The following EP400 variants were observed in gnomAD, a reference collection of about 807,000 sequenced individuals.
EP400 encodes the protein E1A-binding protein p400.
In EP400, 105 loss-of-function variants were observed where a neutral mutation model predicts 354.1. That is an observed-to-expected ratio of 0.30 (90% CI 0.25 to 0.35). The LOEUF is 0.35. Among genes scored for constraint, EP400 ranks in the 10% least tolerant of loss-of-function variants. EP400 has a pLI of 1.00. For synonymous variants in EP400, 1,646 were observed against 1,716.9 expected (o/e 0.96, Z 1.02); for missense variants, 3,280 against 4,121.0 (o/e 0.80, Z 5.59).
At chr12:131,953,738 T>A (rs1278681789) in intron 1 of EP400, among the ~76,000 whole-genome samples, 1 of 152,244 alleles carries the variant, frequency 6.6e-6, no homozygotes, top group Non-Finnish European at 1.5e-5. Flanking sequence ...TTACGTGACA[T>A]CTAGTGTTAT....
intron 45 of EP400, 105 bp downstream of exon 45, chr12:132,055,313 A>T (rs2136594670): frequency 1.0e-6 from 1 of 955,708 alleles, no homozygotes; most frequent in African/African-American, 1.7e-5. Context: ...CATTGGTGAA[A>T]AACTGTCTAG....
chr12:132,045,539 T>C lies in EP400; in HGVS notation c.7005T>C (p.Ser2335=). 1 of 1,614,194 alleles carries C rather than the reference T, an allele frequency of 6.2e-7. No homozygotes were observed. The highest frequency in any genetic ancestry group is 8.5e-7 in the Non-Finnish European group (1 of 1,180,040). The change falls in exon 38 of 53, where the codon AGT becomes AGC. Residue 2335 remains serine, a synonymous_variant. Transcript: ENST00000389561. The part of the protein sequence containing the change: ...PGQDNPEWLI[S]EDWALLQAVK... ...AAGACAACCCCGAGTGGCTCATCAGTGAGGACTGGGCGCTGCTGCAGGTAG... is the reference window on the plus strand; with the variant it reads ...AAGACAACCCCGAGTGGCTCATCAGCGAGGACTGGGCGCTGCTGCAGGTAG...
At position 132,025,457 on chromosome 12, in the gene EP400, T is replaced by C. The variant is rs1485195914; in HGVS notation, c.4856-189T>C. Among the ~76,000 whole-genome samples the C allele has an allele frequency of 6.6e-6, 1 of 152,198 alleles. No individual in the cohort carries two copies. The highest frequency in any genetic ancestry group is 1.5e-5 in the Non-Finnish European group (1 of 68,034). ...TGGAGCAAGATACCTTGTCTCTTAG[T>C]GTGTCGTCATCCACTGTCGGTGATG... On this transcript the variant is annotated intron_variant, in intron 24 of 52. Transcript: ENST00000389561. This position sits in a 1 kb window ranked among gnomAD's most constrained non-coding sequence, Gnocchi z 4.1.
At chr12:132,065,499 C>G (rs903260075) in intron 48 of EP400, 14 of 153,786 alleles carry the variant, frequency 9.1e-5, no homozygotes, top group African/African-American at 3.4e-4. Context: ...TCTCTTGTGT[C>G]TTTCACCTGG....
intron 48 of EP400, chr12:132,065,604 C>A (rs571647742): frequency 2.0e-5 from 3 of 152,298 alleles, no homozygotes; most frequent in African/African-American, 7.2e-5. Context: ...GCTAAGTTCC[C>A]ACCCAAATCC....
chr12:132,061,693 G>T (rs538946703), intron 45 of EP400, among the ~76,000 whole-genome samples: 1 of 152,356 alleles, frequency 6.6e-6, no homozygotes, highest in East Asian at 1.9e-4. Context: ...CACATGGTGA[G>T]ACACTCAGGG....
rs537916420 is a variant in EP400 at position 132,032,195 on chromosome 12, C to T, written c.5951+46C>T. ...GGATCAGGAGATGCAAAGACATCCACATATACAGGTGAGGGCCTGCGGGGA... is the reference window on the plus strand; with the variant it reads ...GGATCAGGAGATGCAAAGACATCCATATATACAGGTGAGGGCCTGCGGGGA... On this transcript the variant is annotated intron_variant, in intron 30 of 52. Coordinates refer to ENST00000389561, the MANE Select transcript of EP400 (RefSeq NM_015409.5). 43 of 1,574,158 alleles carry T rather than the reference C, an allele frequency of 2.7e-5. 1 individual carries two copies. In the South Asian group the frequency reaches 3.6e-4, roughly 13 times the overall value.
chr12:131,967,739 G>A (rs147374308), intron 2 of EP400, among the ~76,000 whole-genome samples: 1 of 151,792 alleles, frequency 6.6e-6, no homozygotes, highest in Non-Finnish European at 1.5e-5. Flanking sequence ...CTTTCTCAAA[G>A]TGCCTGTACC....
Position 131,990,805 on chromosome 12 carries a change from C to T in EP400, c.2629+91C>T. On this transcript the variant is annotated intron_variant, in intron 9 of 52. Transcript: ENST00000389561. This position sits in a 1 kb window ranked among gnomAD's most constrained non-coding sequence, Gnocchi z 4.2. ...AGGCAGTCTCCTGGCGCTGTGGCTT[C>T]CCACAGAGGACATCTGCTCATCAGC... is the stretch of plus-strand genomic sequence containing the variant. 1 of 897,788 alleles carries T rather than the reference C, an allele frequency of 1.1e-6. No individual in the cohort carries two copies. The highest frequency in any genetic ancestry group is 2.4e-5 in the East Asian group (1 of 41,382). The allele number at this position is 897,788 out of a possible 1,614,324, so 55.6% of individuals were successfully genotyped here. A position where few individuals can be genotyped will look rare whatever the true frequency, so the allele number is the denominator to read the frequency against.
chr12:131,982,291 C>T lies in EP400; in HGVS notation c.1742C>T (p.Pro581Leu), dbSNP rs148078602. The change falls in exon 5 of 53, where the codon CCG becomes CTG. Residue 581 changes from proline to leucine, a missense_variant. Pro to Leu is a moderately conservative substitution (Grantham distance 98). Transcript: ENST00000389561. ...TCTGCGCTGCAGTTTGCACAGCAGCCGCAAGTGGTAGAGGCCCAGACACAG... is the reference window on the plus strand; with the variant it reads ...TCTGCGCTGCAGTTTGCACAGCAGCTGCAAGTGGTAGAGGCCCAGACACAG... ...LSSALQFAQQ[P>L]QVVEAQTQLQ... is the part of the protein sequence containing the mutation. 0.012 allele frequency: 19,543 copies of T among 1,614,122 alleles called. 142 individuals carry two copies. The highest frequency in any genetic ancestry group is 0.015 in the Non-Finnish European group (17,319 of 1,180,020).
At chr12:131,950,615 C>G (rs1315467628) in intron 1 of EP400, among the ~76,000 whole-genome samples, 1 of 152,238 alleles carries the variant, frequency 6.6e-6, no homozygotes, top group African/African-American at 2.4e-5. Context: ...CGGCGTAGAC[C>G]TGCCCGGTCC....
chr12:132,022,484 T>C (rs1012088107), intron 23 of EP400, among the ~76,000 whole-genome samples: 3 of 152,240 alleles, frequency 2.0e-5, no homozygotes, highest in Admixed American at 6.5e-5. Flanking sequence ...CTAATAATTC[T>C]GGCATGGATT....
In EP400 at chr12:132,054,087, G is replaced by A. The variant is rs781052695; in HGVS notation, c.7728+490G>A. ...CATTGTGAAAAGAAAGGCAGGGTGC[G>A]GAGCTGCGGACTGTGGCCATGCACA... On this transcript the variant is annotated intron_variant, in intron 43 of 52. Transcript: ENST00000389561. This position sits in a 1 kb window ranked among gnomAD's most constrained non-coding sequence, Gnocchi z 4.0. 8.5e-5 allele frequency among the ~76,000 whole-genome samples: 13 copies of A among 152,190 alleles called. No homozygotes were observed. The highest frequency in any genetic ancestry group is 1.9e-4 in the African/African-American group (8 of 41,438).
rs1894276840 is a variant in EP400 at position 132,025,555 on chromosome 12, A to G, written c.4856-91A>G. The G allele has an allele frequency of 7.4e-6, 10 of 1,350,146 alleles. No individual in the cohort carries two copies. Among genetic ancestry groups the G allele is most frequent in the Middle Eastern group, 2.2e-4 (1 of 4,630 alleles). The allele number at this position is 1,350,146 out of a possible 1,614,324, so 83.6% of individuals were successfully genotyped here. On this transcript the variant is annotated intron_variant, in intron 24 of 52. Coordinates refer to ENST00000389561, the MANE Select transcript of EP400 (RefSeq NM_015409.5). This position sits in a 1 kb window ranked among gnomAD's most constrained non-coding sequence, Gnocchi z 4.1. Reference sequence around the variant, plus strand: ...TGTAGATTTGATTTTCAGTTTGTCAACTTATTTTTGTACTGTTTGGAAGTG... The same window carrying G: ...TGTAGATTTGATTTTCAGTTTGTCAGCTTATTTTTGTACTGTTTGGAAGTG...
Position 132,045,723 on chromosome 12 carries a change from C to G in EP400, c.7027-4C>G, listed in dbSNP as rs1895074709. On this transcript the variant is annotated splice_polypyrimidine_tract_variant and splice_region_variant and intron_variant, in intron 38 of 52. Coordinates refer to ENST00000389561, the MANE Select transcript of EP400 (RefSeq NM_015409.5). ...CCTGTTTTACCTGAAATCTCCTTCT[C>G]TAGGCTGTAAAGCAGTTACTGGAGC... is the stretch of plus-strand genomic sequence containing the variant. The G allele has an allele frequency of 3.1e-6, 5 of 1,614,050 alleles. No individual in the cohort carries two copies. The South Asian group carries it at 3.3e-5, about 11-fold the overall frequency.
Position 131,996,994 on chromosome 12 carries a change from C to G in EP400, c.2827+2038C>G, listed in dbSNP as rs192989768. On this transcript the variant is annotated intron_variant, in intron 12 of 52. Coordinates refer to ENST00000389561, the MANE Select transcript of EP400 (RefSeq NM_015409.5). ...ACAGCAAGTCCTCATTTAATGTTGTCAATAAGTTCCTGGAAACTGCAACTT... is the reference window on the plus strand; with the variant it reads ...ACAGCAAGTCCTCATTTAATGTTGTGAATAAGTTCCTGGAAACTGCAACTT... 3.4e-4 allele frequency among the ~76,000 whole-genome samples: 52 copies of G among 152,134 alleles called. 1 individual carries two copies. The highest frequency in any genetic ancestry group is 1.2e-3 in the African/African-American group (51 of 41,496).
At position 132,079,040 on chromosome 12, in the gene EP400, T is replaced by C. The variant is rs1896315206; in HGVS notation, c.*1367T>C. ...ATTTGGTCCAGGAAATTAGGTTATA[T>C]TAGGTTTTTTGTATACTAAAAATCA... On this transcript the variant is annotated 3_prime_UTR_variant, in exon 53 of 53. Coordinates refer to ENST00000389561, the MANE Select transcript of EP400 (RefSeq NM_015409.5). The C allele has an allele frequency of 6.6e-6, 1 of 152,200 alleles. No individual in the cohort carries two copies. Among genetic ancestry groups the C allele is most frequent in the African/African-American group, 2.4e-5 (1 of 41,468 alleles). The allele number at this position is 152,200 out of a possible 1,614,324, so 9.4% of individuals were successfully genotyped here.
chr12:131,955,715 G>A (rs1033101963), intron 1 of EP400, among the ~76,000 whole-genome samples: 1 of 151,674 alleles, frequency 6.6e-6, no homozygotes, highest in Non-Finnish European at 1.5e-5. Flanking sequence ...TGTGATCTTG[G>A]CTCATTGCAT....
chr12:131,986,163 A>G (rs901222515), intron 5 of EP400, among the ~76,000 whole-genome samples: 3 of 151,482 alleles, frequency 2.0e-5, no homozygotes, highest in African/African-American at 7.3e-5. Context: ...TTTTGTAGAG[A>G]TGGGGTCTTT....
Sources: gnomAD v4.1 joint callset for allele counts (sites outside exome capture counted in the v4.1 genomes callset) on GRCh38, gnomAD v4.1.1 for gene constraint, Gnocchi (gnomAD v3.1) non-coding constraint, MANE v1.5 for transcripts, NCBI Gene and HGNC (gene_info 2026-07-23, HGNC 2026-07-21) for gene names.